SLC24A1: variants seen among roughly 807,000 people sequenced by gnomAD.
The protein encoded by SLC24A1 is solute carrier family 24 member 1.
In SLC24A1, 52 loss-of-function variants were observed where a neutral mutation model predicts 88.1. The ratio of observed to expected loss-of-function variants is 0.59; its 90% CI spans 0.47 to 0.74. SLC24A1 has a LOEUF of 0.74. Among genes scored for constraint, SLC24A1 ranks in the 30% least tolerant of loss-of-function variants. The probability of loss-of-function intolerance (pLI) is 0.00; values close to 1 mark genes in which losing one functional copy is unlikely to be tolerated. For missense variants in SLC24A1, 1,173 were observed against 1,363.3 expected, an observed-to-expected ratio of 0.86 and a Z score of 2.20; for synonymous variants, 455 against 498.0, an observed-to-expected ratio of 0.91 and a Z score of 1.15.
intron 2 of SLC24A1, among the ~76,000 whole-genome samples, chr15:65,636,305 A>C (rs2074931522): frequency 1.3e-5 from 2 of 152,158 alleles, no homozygotes; most frequent in Non-Finnish European, 2.9e-5. Flanking sequence ...AAACAAAAAA[A>C]CGTAGCCAGT....
chr15:65,629,062 T>C (rs2074615208), intron 2 of SLC24A1, among the ~76,000 whole-genome samples: 1 of 152,224 alleles, frequency 6.6e-6, no homozygotes, highest in Non-Finnish European at 1.5e-5. Flanking sequence ...CAGCTACAGA[T>C]AATAAATAAA....
chr15:65,615,834 T>A (rs1247718709), intron 2 of SLC24A1, among the ~76,000 whole-genome samples: 1 of 151,558 alleles, frequency 6.6e-6, no homozygotes, highest in East Asian at 1.9e-4. Flanking sequence ...ACCCATTGAC[T>A]CATCATTTAC....
chr15:65,639,549 C>T, intron 3 of SLC24A1, 46 bp from the exon 4 acceptor site: 2 of 1,270,602 alleles, frequency 1.6e-6, no homozygotes, highest in Non-Finnish European at 2.2e-6. Flanking sequence ...GTGGTTCCTC[C>T]CCTGGCTTGG....
At chr15:65,636,031 T>TG (rs1373389407) in intron 2 of SLC24A1, among the ~76,000 whole-genome samples, 1 of 152,366 alleles carries the variant, frequency 6.6e-6, no homozygotes, top group East Asian at 1.9e-4. Context: ...CTATATTTTC[T>TG]GAGCTGAACA....
chr15:65,654,555 A>G lies in SLC24A1; in HGVS notation c.*476A>G. ...TTTTGTCTCCTCCTTTTCTGTTCAA[A>G]TTGTGAGGTTCTATCAGGTTTGTAA... On this transcript the variant is annotated 3_prime_UTR_variant, in exon 10 of 10. Transcript: ENST00000261892. 4 of 1,185,790 alleles carry G rather than the reference A, an allele frequency of 3.4e-6. No individual in the cohort carries two copies. The highest frequency in any genetic ancestry group is 4.2e-6 in the Non-Finnish European group (4 of 943,796). The allele number at this position is 1,185,790 out of a possible 1,614,324, so 73.5% of individuals were successfully genotyped here. A position where few individuals can be genotyped will look rare whatever the true frequency, so the allele number is the denominator to read the frequency against.
downstream of SLC24A1, chr15:65,660,474 G>A: frequency 1.8e-6 from 1 of 541,164 alleles, no homozygotes; most frequent in Non-Finnish European, 3.3e-6. Flanking sequence ...GCTGGCTAGG[G>A]AATTCCTTCA....
chr15:65,615,793 T>C (rs1268838122), intron 2 of SLC24A1, among the ~76,000 whole-genome samples: 2 of 152,152 alleles, frequency 1.3e-5, no homozygotes, highest in African/African-American at 2.4e-5. Flanking sequence ...GTTTGATACA[T>C]ACGTATGTAT....
intron 2 of SLC24A1, among the ~76,000 whole-genome samples, chr15:65,635,154 A>G (rs2074873418): frequency 1.3e-5 from 2 of 152,132 alleles, no homozygotes; most frequent in African/African-American, 4.8e-5. Context: ...CATCCACCCT[A>G]GAGTGTAGAC....
At position 65,629,832 on chromosome 15, in the gene SLC24A1, C is replaced by T. The variant is rs144166363; in HGVS notation, c.1890+3862C>T. Among the ~76,000 whole-genome samples the T allele has an allele frequency of 3.0e-4, 46 of 152,322 alleles. 1 individual carries two copies. The East Asian group carries it at 8.1e-3, about 27-fold the overall frequency. On this transcript the variant is annotated intron_variant, in intron 2 of 9. Transcript: ENST00000261892. ...GGAAAGCCAATGGCAAAAAGGGATGCAAAGCAGAGAAAAGAGCCTAGTTGG... is the reference window on the plus strand; with the variant it reads ...GGAAAGCCAATGGCAAAAAGGGATGTAAAGCAGAGAAAAGAGCCTAGTTGG...
chr15:65,660,186 A>T, downstream of SLC24A1: 2 of 821,836 alleles, frequency 2.4e-6, no homozygotes, highest in Non-Finnish European at 4.0e-6. Flanking sequence ...AGAGGCAGAT[A>T]TATGTGCCTA....
At chr15:65,635,908 A>T (rs2074917333) in intron 2 of SLC24A1, among the ~76,000 whole-genome samples, 1 of 152,208 alleles carries the variant, frequency 6.6e-6, no homozygotes, top group South Asian at 2.1e-4. Flanking sequence ...TGTATCCCTA[A>T]AGCCACCAGA....
intron 1 of SLC24A1, chr15:65,612,458 T>G (rs1165437746): frequency 6.6e-6 from 1 of 152,292 alleles, no homozygotes; most frequent in Non-Finnish European, 1.5e-5. Context: ...GTGGGGCCAG[T>G]TGCTTGTAGT....
At position 65,625,456 on chromosome 15, in the gene SLC24A1, T is replaced by G; in HGVS notation, c.1376T>G (p.Val459Gly). 6.2e-7 allele frequency: 1 copy of G among 1,613,964 alleles called. No individual in the cohort carries two copies. Among genetic ancestry groups the G allele is most frequent in the Admixed American group, 1.7e-5 (1 of 60,030 alleles). Residue 459 changes from valine to glycine, a missense_variant, in exon 2 of 10, where the codon GTT (valine) becomes GGT (glycine). Coordinates refer to ENST00000261892, the MANE Select transcript of SLC24A1 (RefSeq NM_004727.3). ...CGGCAGGGCTGGGTGGTCCTGCACG[T>G]TTTTGGCATGATGTATGTGTTTGTG... ...ERRQGWVVLH[V>G]FGMMYVFVAL...
At chr15:65,639,569 C>CACTGAGG (rs1373815921) in intron 3 of SLC24A1, 26 bp from the exon 4 acceptor site, 2 of 1,023,206 alleles carry the variant, frequency 2.0e-6, no homozygotes, top group Middle Eastern at 2.8e-4. Flanking sequence ...GACAGGGGCC[C>CACTGAGG]ACTGTGCGGC....
chr15:65,630,617 T>C (rs1484021675), intron 2 of SLC24A1, among the ~76,000 whole-genome samples: 2 of 152,208 alleles, frequency 1.3e-5, no homozygotes, highest in Non-Finnish European at 2.9e-5. Flanking sequence ...TCCCTCTAAT[T>C]GTCAGGAAAA....
At chr15:65,648,177 G>A (rs1247193474) in intron 6 of SLC24A1, among the ~76,000 whole-genome samples, 1 of 152,086 alleles carries the variant, frequency 6.6e-6, no homozygotes, top group Admixed American at 6.5e-5. Context: ...AGAGAATGGC[G>A]TGAACCCGGG....
chr15:65,626,716 C>A (rs937702933), intron 2 of SLC24A1, among the ~76,000 whole-genome samples: 2 of 152,166 alleles, frequency 1.3e-5, no homozygotes, highest in Non-Finnish European at 2.9e-5. Context: ...CTGTTAAATT[C>A]ATTGGATGAT....
intron 8 of SLC24A1, 109 bp from the exon 9 acceptor site, chr15:65,652,533 G>A: frequency 1.1e-6 from 1 of 931,538 alleles, no homozygotes. Flanking sequence ...GGCTGAGGGG[G>A]TGTGGCTGAG....
At chr15:65,634,415 C>T (rs1322568462) in intron 2 of SLC24A1, among the ~76,000 whole-genome samples, 1 of 152,152 alleles carries the variant, frequency 6.6e-6, no homozygotes, top group Non-Finnish European at 1.5e-5. Flanking sequence ...TGAAGACATC[C>T]TCTTCTGTTA....
Sources: gnomAD v4.1 joint callset for allele counts (sites outside exome capture counted in the v4.1 genomes callset) on GRCh38, gnomAD v4.1.1 for gene constraint, MANE v1.5 for transcripts, NCBI Gene and HGNC (gene_info 2026-07-23, HGNC 2026-07-21) for gene names.